Variants in FBXW7 observed in about 807,000 individuals in gnomAD.
FBXW7 encodes the protein F-box and WD repeat domain containing 7.
A neutral mutation model predicts 86.3 loss-of-function variants in FBXW7; 11 were observed. The observed-to-expected ratio is 0.13, with a 90% CI of 0.08 to 0.21. The LOEUF (loss-of-function observed/expected upper bound fraction) is 0.21, where lower values mean the gene tolerates loss of function less well. Among genes scored for constraint, FBXW7 ranks in the 10% least tolerant of loss-of-function variants. The pLI is 1.00. For synonymous variants in FBXW7, 313 were observed against 297.9 expected, an observed-to-expected ratio of 1.05 and a Z score of -0.52; for missense variants, 488 against 847.4, an observed-to-expected ratio of 0.58 and a Z score of 5.27.
intron 2 of FBXW7, among the ~76,000 whole-genome samples, chr4:152,526,710 T>C (rs1027161881): frequency 1.3e-5 from 2 of 152,222 alleles, no homozygotes; most frequent in Non-Finnish European, 2.9e-5. Context: ...TAGATCCTGC[T>C]ATTTCTAAAT....
At chr4:152,459,502 A>G (rs1742740143) in intron 2 of FBXW7, among the ~76,000 whole-genome samples, 1 of 152,166 alleles carries the variant, frequency 6.6e-6, no homozygotes, top group Non-Finnish European at 1.5e-5. Flanking sequence ...ACAGCAATTA[A>G]TTCATACACC....
intron 2 of FBXW7, among the ~76,000 whole-genome samples, chr4:152,462,451 G>C (rs532521933): frequency 6.6e-6 from 1 of 152,150 alleles, no homozygotes. Context: ...GTATAGTTTC[G>C]TGATTAGCCA....
At chr4:152,357,880 A>T (rs1404414244) in intron 4 of FBXW7, among the ~76,000 whole-genome samples, 1 of 152,192 alleles carries the variant, frequency 6.6e-6, no homozygotes, top group Non-Finnish European at 1.5e-5. Flanking sequence ...GCCACAGAAT[A>T]AAATAATATG....
intron 4 of FBXW7, among the ~76,000 whole-genome samples, chr4:152,368,850 C>T (rs763820063): frequency 6.6e-6 from 1 of 152,068 alleles, no homozygotes; most frequent in African/African-American, 2.4e-5. Flanking sequence ...TCCAAACAAA[C>T]TACCAAGATG....
At chr4:152,452,000 T>C (rs992792653) in intron 2 of FBXW7, among the ~76,000 whole-genome samples, 2 of 152,260 alleles carry the variant, frequency 1.3e-5, no homozygotes, top group Admixed American at 6.5e-5. Context: ...ATGTTACTTA[T>C]GTTTTTTACT....
intron 4 of FBXW7, among the ~76,000 whole-genome samples, chr4:152,375,027 TAGAAG>T (rs1214116893): frequency 6.6e-6 from 1 of 152,144 alleles, no homozygotes; most frequent in Non-Finnish European, 1.5e-5. Flanking sequence ...CAAGACATTT[TAGAAG>T]AGGAGACTTG....
chr4:152,378,276 T>G (rs1734736690), intron 4 of FBXW7, among the ~76,000 whole-genome samples: 1 of 152,250 alleles, frequency 6.6e-6, no homozygotes, highest in Non-Finnish European at 1.5e-5. Context: ...GTACAGTATT[T>G]GGAATAGAAT....
intron 4 of FBXW7, among the ~76,000 whole-genome samples, chr4:152,374,549 G>C (rs555992204): frequency 1.1e-4 from 17 of 152,130 alleles, no homozygotes; most frequent in African/African-American, 4.1e-4. Context: ...AAGTTTAACA[G>C]ACACTTCAAT....
At chr4:152,486,611 A>G (rs1339123268) in intron 2 of FBXW7, among the ~76,000 whole-genome samples, 2 of 152,140 alleles carry the variant, frequency 1.3e-5, no homozygotes, top group African/African-American at 2.4e-5. Flanking sequence ...TTCAGGGACA[A>G]TAACATGCAC....
At chr4:152,382,544 T>C (rs1348031247) in intron 4 of FBXW7, 2 of 1,102,144 alleles carry the variant, frequency 1.8e-6, no homozygotes, top group Non-Finnish European at 2.2e-6. Context: ...TATCCTAGAA[T>C]AGCCAGGAAT....
intron 6 of FBXW7, among the ~76,000 whole-genome samples, chr4:152,346,011 TATTA>T (rs1731230617): frequency 6.6e-6 from 1 of 152,178 alleles, no homozygotes; most frequent in Non-Finnish European, 1.5e-5. Context: ...ACATAATTTA[TATTA>T]TTTATTATTT....
intron 2 of FBXW7, among the ~76,000 whole-genome samples, chr4:152,534,627 G>C (rs572945974): frequency 6.6e-6 from 1 of 152,272 alleles, no homozygotes; most frequent in South Asian, 2.1e-4. Context: ...TACAGATACA[G>C]ATGGCCTCTG....
intron 7 of FBXW7, among the ~76,000 whole-genome samples, chr4:152,336,613 C>T (rs910645296): frequency 5.3e-5 from 8 of 151,984 alleles, no homozygotes; most frequent in Admixed American, 2.0e-4. Context: ...AGAGAGCTGA[C>T]GTCACTTTCA....
intron 4 of FBXW7, among the ~76,000 whole-genome samples, chr4:152,391,835 C>T (rs1736022204): frequency 6.6e-6 from 1 of 152,052 alleles, no homozygotes; most frequent in Admixed American, 6.6e-5. Flanking sequence ...ATGTCTAATT[C>T]CTAAACCTGT....
At chr4:152,433,025 C>G (rs1222678805) in intron 2 of FBXW7, among the ~76,000 whole-genome samples, 1 of 152,128 alleles carries the variant, frequency 6.6e-6, no homozygotes, top group Non-Finnish European at 1.5e-5. Flanking sequence ...ATTCAGCATA[C>G]TGTTTTTGAT....
Position 152,346,950 on chromosome 4 carries a change from C to G in FBXW7, c.706G>C (p.Glu236Gln). 1 of 1,613,492 alleles carries G rather than the reference C, an allele frequency of 6.2e-7. No individual in the cohort carries two copies. The highest frequency in any genetic ancestry group is 1.7e-5 in the Admixed American group (1 of 59,950). ...GTCACCTGAAACATTTTTAGCCATT[C>G]CTGGAGGCCTGTAGGTGGCTGGACA... ...TSVQPPTGLQEWLKMFQSWSG... is the reference protein window; with the variant it reads ...TSVQPPTGLQQWLKMFQSWSG... The change falls in exon 6 of 14, where the codon GAA becomes CAA. Residue 236 changes from glutamate to glutamine, a missense_variant. Around this residue, in one of 4 missense-constraint regions of FBXW7, gnomAD observed 59 missense variants for 137.9 expected, o/e 0.43. Coordinates refer to ENST00000281708, the MANE Select transcript of FBXW7 (RefSeq NM_001349798.2).
chr4:152,535,078 CG>C (rs1242448514), intron 1 of FBXW7, 45 bp from the exon 2 acceptor site: 1 of 152,838 alleles, frequency 6.5e-6, no homozygotes. Flanking sequence ...GGCGGCAACC[CG>C]GGTCTCTTCC....
At chr4:152,466,868 G>A (rs181298502) in intron 2 of FBXW7, among the ~76,000 whole-genome samples, 1 of 152,286 alleles carries the variant, frequency 6.6e-6, no homozygotes, top group Admixed American at 6.5e-5. Flanking sequence ...CGTGAACCCA[G>A]GAGGCAGAGC....
At chr4:152,413,746 T>C (rs888614702) in intron 2 of FBXW7, among the ~76,000 whole-genome samples, 3 of 152,186 alleles carry the variant, frequency 2.0e-5, no homozygotes, top group East Asian at 3.8e-4. Context: ...TGGAGGATAA[T>C]GTTTAGAATA....
Sources: allele counts gnomAD v4.1 joint callset (sites outside exome capture counted in the v4.1 genomes callset), GRCh38; gene constraint gnomAD v4.1.1; regional missense constraint gnomAD v4.1.1; transcripts MANE v1.5; gene names NCBI Gene and HGNC (gene_info 2026-07-23, HGNC 2026-07-21).